Variants in CLSTN2 observed in about 807,000 individuals in gnomAD.
The protein encoded by CLSTN2 is calsyntenin-2.
CLSTN2 carries 48 observed loss-of-function variants against 101.2 expected under a neutral mutation model. The ratio of observed to expected loss-of-function variants is 0.47; its 90% CI spans 0.38 to 0.60. The LOEUF is 0.60. CLSTN2 is among the 20% of genes least tolerant of loss of function. CLSTN2 has a pLI of 0.00. For synonymous variants in CLSTN2, 481 were observed against 463.6 expected (o/e 1.04, Z -0.48); for missense variants, 1,160 against 1,238.2 (o/e 0.94, Z 0.95).
At chr3:140,364,438 A>G (rs1465857097) in intron 2 of CLSTN2, among the ~76,000 whole-genome samples, 2 of 152,048 alleles carry the variant, frequency 1.3e-5, no homozygotes, top group Non-Finnish European at 2.9e-5. Flanking sequence ...TTTGCACACC[A>G]TTTGGTCTCT....
intron 1 of CLSTN2, among the ~76,000 whole-genome samples, chr3:140,022,269 A>G (rs1160063322): frequency 6.6e-6 from 1 of 152,180 alleles, no homozygotes; most frequent in African/African-American, 2.4e-5. Flanking sequence ...TGAGGAGGGA[A>G]GAAATACAGG....
At chr3:140,542,099 T>G (rs532177027) in intron 9 of CLSTN2, among the ~76,000 whole-genome samples, 1 of 152,242 alleles carries the variant, frequency 6.6e-6, no homozygotes, top group African/African-American at 2.4e-5. Flanking sequence ...AAAGAACTTG[T>G]CATGTTTCAA....
chr3:140,207,111 T>G (rs1236712418), intron 2 of CLSTN2, among the ~76,000 whole-genome samples: 1 of 152,190 alleles, frequency 6.6e-6, no homozygotes, highest in Non-Finnish European at 1.5e-5. Flanking sequence ...ACTTCCTACT[T>G]CTCCATCAGA....
rs535247869 is a variant in CLSTN2 at position 140,219,379 on chromosome 3, T to C, written c.232+43306T>C. 3.3e-5 allele frequency among the ~76,000 whole-genome samples: 5 copies of C among 152,212 alleles called. No homozygotes were observed. The South Asian group carries it at 1.0e-3, about 32-fold the overall frequency. On this transcript the variant is annotated intron_variant, in intron 2 of 16. Coordinates refer to ENST00000458420, the MANE Select transcript of CLSTN2 (RefSeq NM_022131.3). ...TTAGTTGCGCGTGAGTGAGTTTTAA[T>C]TAAAGCCCAGGGCTTTAAAAGCTCC...
chr3:140,037,857 G>C (rs4683469), intron 1 of CLSTN2, among the ~76,000 whole-genome samples: 18,749 of 152,064 alleles, frequency 0.12, 1,511 homozygotes, highest in African/African-American at 0.22. Context: ...CTATCCATGT[G>C]CCTCCAAAAA....
chr3:139,981,454 G>C (rs1935921207), intron 1 of CLSTN2, among the ~76,000 whole-genome samples: 1 of 152,102 alleles, frequency 6.6e-6, no homozygotes, highest in Admixed American at 6.5e-5. Context: ...TTTTATCATT[G>C]CCTATTCTTC....
intron 1 of CLSTN2, among the ~76,000 whole-genome samples, chr3:140,103,191 G>A (rs1033038613): frequency 3.0e-4 from 45 of 152,172 alleles, no homozygotes; most frequent in African/African-American, 1.0e-3. Context: ...TAAGGTTGCA[G>A]CAGCTGGGCA....
At chr3:140,345,249 TTTTC>T (rs1467113858) in intron 2 of CLSTN2, among the ~76,000 whole-genome samples, 4 of 149,238 alleles carry the variant, frequency 2.7e-5, no homozygotes, top group Non-Finnish European at 4.5e-5. Context: ...TATAGCCTTT[TTTTC>T]TTTTTTTTTT....
At chr3:140,487,200 T>C (rs74606643) in intron 8 of CLSTN2, among the ~76,000 whole-genome samples, 15,120 of 152,282 alleles carry the variant, frequency 0.099, 844 homozygotes, top group Middle Eastern at 0.16. Context: ...AATTAGATGT[T>C]TGAAGGGGAA....
At chr3:140,292,961 G>A (rs1474731034) in intron 2 of CLSTN2, among the ~76,000 whole-genome samples, 1 of 152,184 alleles carries the variant, frequency 6.6e-6, no homozygotes, top group Non-Finnish European at 1.5e-5. Context: ...CTGCTGCCCA[G>A]GCAGTTAGTA....
At chr3:140,538,753 A>G (rs1576617944) in intron 9 of CLSTN2, among the ~76,000 whole-genome samples, 1 of 152,220 alleles carries the variant, frequency 6.6e-6, no homozygotes, top group East Asian at 1.9e-4. Context: ...GGCACATGCT[A>G]GCAGAGTCTG....
chr3:140,254,866 C>G (rs2086592337), intron 2 of CLSTN2, among the ~76,000 whole-genome samples: 1 of 152,038 alleles, frequency 6.6e-6, no homozygotes, highest in Admixed American at 6.6e-5. Flanking sequence ...CACAAGTAAA[C>G]AGACAACCTA....
chr3:140,157,219 G>A (rs991812537), intron 1 of CLSTN2, among the ~76,000 whole-genome samples: 6 of 150,688 alleles, frequency 4.0e-5, no homozygotes, highest in African/African-American at 7.4e-5. Flanking sequence ...TTTCCCCATT[G>A]TGTCTCTTCC....
intron 8 of CLSTN2, among the ~76,000 whole-genome samples, chr3:140,496,864 A>G (rs1325953813): frequency 6.6e-6 from 1 of 152,062 alleles, no homozygotes; most frequent in Non-Finnish European, 1.5e-5. Context: ...GCACTTTGGG[A>G]GGCCGAGGCA....
chr3:140,154,598 G>A (rs773252596), intron 1 of CLSTN2, among the ~76,000 whole-genome samples: 5 of 149,174 alleles, frequency 3.4e-5, no homozygotes, highest in South Asian at 2.1e-4. Flanking sequence ...AGCGAAACAC[G>A]TCTTAAATGG....
chr3:140,469,354 G>A (rs974510420), intron 8 of CLSTN2, among the ~76,000 whole-genome samples: 3 of 152,156 alleles, frequency 2.0e-5, no homozygotes, highest in African/African-American at 4.8e-5. Flanking sequence ...CAGTGAGTAG[G>A]GTGTAGGAAA....
At chr3:140,166,532 A>G (rs1461695312) in intron 1 of CLSTN2, among the ~76,000 whole-genome samples, 1 of 152,214 alleles carries the variant, frequency 6.6e-6, no homozygotes, top group Non-Finnish European at 1.5e-5. Flanking sequence ...CGTCATCTTT[A>G]GGTAAAAGCA....
intron 2 of CLSTN2, among the ~76,000 whole-genome samples, chr3:140,364,504 T>C (rs1317932767): frequency 1.3e-5 from 2 of 152,314 alleles, no homozygotes; most frequent in South Asian, 2.1e-4. Flanking sequence ...CACTGCATGT[T>C]TGAAGTTCCA....
chr3:139,975,667 G>A (rs763809139), intron 1 of CLSTN2, among the ~76,000 whole-genome samples: 15 of 152,162 alleles, frequency 9.9e-5, no homozygotes, highest in Non-Finnish European at 1.5e-4. Flanking sequence ...TGAAGACAGG[G>A]ACTGTGTTCT....
Sources: allele counts gnomAD v4.1 joint callset (sites outside exome capture counted in the v4.1 genomes callset), GRCh38; gene constraint gnomAD v4.1.1; transcripts MANE v1.5; gene names NCBI Gene and HGNC (gene_info 2026-07-23, HGNC 2026-07-21).